Variants in TRAPPC9 observed in about 807,000 individuals in gnomAD.
TRAPPC9 encodes the protein IKK2 binding protein.
Under a neutral mutation model 124.0 loss-of-function variants are expected in TRAPPC9, and 83 were observed. That is an observed-to-expected ratio of 0.67 (90% CI 0.56 to 0.80). The LOEUF (loss-of-function observed/expected upper bound fraction) is 0.80, where lower values mean the gene tolerates loss of function less well. TRAPPC9 is among the 30% of genes least tolerant of loss of function. The probability of loss-of-function intolerance (pLI) is 0.00; values close to 1 mark genes in which losing one functional copy is unlikely to be tolerated. For synonymous variants in TRAPPC9, 638 were observed against 617.5 expected (o/e 1.03, Z -0.49); for missense variants, 1,302 against 1,508.3 (o/e 0.86, Z 2.27).
At position 140,451,385 on chromosome 8, in the gene TRAPPC9, T is replaced by C. The variant is rs772904754; in HGVS notation, c.-10-2A>G. On this transcript the variant is annotated splice_acceptor_variant, in intron 1 of 22. Transcript: ENST00000438773. LOFTEE classifies it low-confidence loss of function (5UTR_SPLICE). ...TCAGGGACGCTCATTTTGAAGTCCC[T>C]GTTCAGAGAGAAGAAATGAGGCTGT... The C allele has an allele frequency of 1.8e-5, 29 of 1,599,414 alleles. No individual in the cohort carries two copies. In the Admixed American group the frequency reaches 4.2e-4, roughly 23 times the overall value.
Position 139,742,541 on chromosome 8 carries a change from G to A in TRAPPC9, c.3056-10339C>T, listed in dbSNP as rs1161453659. 6.6e-6 allele frequency among the ~76,000 whole-genome samples: 1 copy of A among 152,196 alleles called. No individual in the cohort carries two copies. Among genetic ancestry groups the A allele is most frequent in the Non-Finnish European group, 1.5e-5 (1 of 68,036 alleles). On this transcript the variant is annotated intron_variant, in intron 21 of 22. Coordinates refer to ENST00000438773, the MANE Select transcript of TRAPPC9 (RefSeq NM_001160372.4). This position sits in a 1 kb window ranked among gnomAD's most constrained non-coding sequence, Gnocchi z 4.7. ...AACACAACATGCAATCAGGGACCAG[G>A]CAAGTCAGGGGCCACCAGAGAGGGT...
intron 20 of TRAPPC9, among the ~76,000 whole-genome samples, chr8:139,886,609 C>A (rs953959047): frequency 2.0e-5 from 3 of 152,216 alleles, no homozygotes; most frequent in Admixed American, 2.0e-4. Context: ...GTTAAAGCCA[C>A]CACATTTAAG....
At chr8:139,733,211 G>A (rs1439389425) in intron 21 of TRAPPC9, among the ~76,000 whole-genome samples, 1 of 152,166 alleles carries the variant, frequency 6.6e-6, no homozygotes, top group African/African-American at 2.4e-5. Context: ...CAGAAGAGGA[G>A]GAAGCACAGA....
At chr8:140,018,324 A>ATTTTTTCTTTTT (rs765656679) in intron 18 of TRAPPC9, among the ~76,000 whole-genome samples, 2,120 of 119,572 alleles carry the variant, frequency 0.018, 256 homozygotes, top group African/African-American at 0.051. Context: ...AACGTAAGTG[A>ATTTTTTCTTTTT]TTTTTTTTTT....
At chr8:140,165,607 G>A (rs903855289) in intron 17 of TRAPPC9, among the ~76,000 whole-genome samples, 2 of 133,774 alleles carry the variant, frequency 1.5e-5, no homozygotes, top group Admixed American at 1.5e-4. Context: ...GGAGGGGAAG[G>A]GGGCAAGGAG....
chr8:140,256,872 G>C (rs1052565293), intron 15 of TRAPPC9, among the ~76,000 whole-genome samples: 1 of 152,094 alleles, frequency 6.6e-6, no homozygotes, highest in African/African-American at 2.4e-5. Context: ...CTTAGGACAG[G>C]GCACGGTGCC....
chr8:139,836,451 G>T (rs1469126391), intron 21 of TRAPPC9, among the ~76,000 whole-genome samples: 1 of 152,112 alleles, frequency 6.6e-6, no homozygotes, highest in Non-Finnish European at 1.5e-5. Context: ...GGAAGCCGCT[G>T]GGGGGACCTG....
intron 4 of TRAPPC9, among the ~76,000 whole-genome samples, chr8:140,433,493 G>A (rs1482084105): frequency 6.6e-6 from 1 of 152,108 alleles, no homozygotes; most frequent in Non-Finnish European, 1.5e-5. Flanking sequence ...GGGAGGCTGA[G>A]GCAGGAGAAC....
chr8:140,010,094 C>A (rs1839024700), intron 18 of TRAPPC9, among the ~76,000 whole-genome samples: 1 of 152,166 alleles, frequency 6.6e-6, no homozygotes, highest in Non-Finnish European at 1.5e-5. Flanking sequence ...AGTCTTATTT[C>A]ATTATTTATT....
chr8:139,891,696 G>A (rs1017130303), intron 20 of TRAPPC9, among the ~76,000 whole-genome samples: 1 of 152,138 alleles, frequency 6.6e-6, no homozygotes, highest in African/African-American at 2.4e-5. Context: ...TTTCAAGAGG[G>A]CAAGCAAAAA....
intron 16 of TRAPPC9, among the ~76,000 whole-genome samples, chr8:140,248,537 C>T (rs78028294): frequency 8.0e-4 from 122 of 152,244 alleles, no homozygotes; most frequent in African/African-American, 2.4e-3. Context: ...TTTTGGGGTC[C>T]GTGGGGATAC....
chr8:140,072,649 A>G (rs978490945), intron 17 of TRAPPC9, among the ~76,000 whole-genome samples: 4 of 151,536 alleles, frequency 2.6e-5, no homozygotes, highest in Admixed American at 2.6e-4. Flanking sequence ...GAGGCAAGCC[A>G]CAGATATACA....
intron 17 of TRAPPC9, among the ~76,000 whole-genome samples, chr8:140,189,416 C>G (rs1351226178): frequency 6.6e-6 from 1 of 152,228 alleles, no homozygotes; most frequent in East Asian, 1.9e-4. Context: ...GCGACCCAAG[C>G]CTCGAACAAG....
chr8:140,016,078 TACA>T (rs931421495), intron 18 of TRAPPC9, among the ~76,000 whole-genome samples: 20 of 152,208 alleles, frequency 1.3e-4, no homozygotes, highest in Middle Eastern at 3.2e-3. Flanking sequence ...CAAGAATTAG[TACA>T]ACGTTTCATT....
chr8:140,025,367 A>C (rs1175272555), intron 17 of TRAPPC9, among the ~76,000 whole-genome samples: 3 of 152,166 alleles, frequency 2.0e-5, no homozygotes, highest in African/African-American at 7.2e-5. Flanking sequence ...CAGCTTGTAA[A>C]ACAAAACAAA....
intron 21 of TRAPPC9, among the ~76,000 whole-genome samples, chr8:139,778,829 A>G (rs554939907): frequency 6.6e-6 from 1 of 152,202 alleles, no homozygotes; most frequent in African/African-American, 2.4e-5. Context: ...GAAGGAGAAG[A>G]GAGTGGAGGG....
At chr8:139,928,533 A>C (rs925755021) in intron 19 of TRAPPC9, among the ~76,000 whole-genome samples, 2 of 151,932 alleles carry the variant, frequency 1.3e-5, no homozygotes, top group Non-Finnish European at 2.9e-5. Context: ...CTGGGTTCAA[A>C]TCTTAGGCCT....
intron 19 of TRAPPC9, among the ~76,000 whole-genome samples, chr8:139,942,642 A>T (rs78840252): frequency 3.8e-4 from 57 of 151,654 alleles, no homozygotes; most frequent in Non-Finnish European, 6.9e-4. Flanking sequence ...TTCTGGACAC[A>T]TTTTTTTTTA....
intron 15 of TRAPPC9, among the ~76,000 whole-genome samples, chr8:140,273,337 G>T (rs978525613): frequency 1.3e-5 from 2 of 152,180 alleles, no homozygotes; most frequent in African/African-American, 4.8e-5. Flanking sequence ...TGTTCATAGC[G>T]ATTCTTTCTG....
Sources: allele counts gnomAD v4.1 joint callset (sites outside exome capture counted in the v4.1 genomes callset), GRCh38; gene constraint gnomAD v4.1.1; non-coding constraint Gnocchi (gnomAD v3.1); transcripts MANE v1.5; gene names NCBI Gene and HGNC (gene_info 2026-07-23, HGNC 2026-07-21).